Variants in PPFIA2 observed in about 807,000 individuals in gnomAD.
PPFIA2 encodes liprin-alpha-2.
In PPFIA2, 46 loss-of-function variants were observed where a neutral mutation model predicts 175.5. The ratio of observed to expected loss-of-function variants is 0.26; its 90% CI spans 0.21 to 0.34. The LOEUF (loss-of-function observed/expected upper bound fraction) is 0.34. Among genes scored for constraint, PPFIA2 ranks in the 10% least tolerant of loss-of-function variants. The probability of loss-of-function intolerance (pLI) is 1.00; values close to 1 mark genes in which losing one functional copy is unlikely to be tolerated. For synonymous variants in PPFIA2, 568 were observed against 511.4 expected (o/e 1.11, Z -1.49); for missense variants, 1,179 against 1,506.1 (o/e 0.78, Z 3.60).
At chr12:81,647,076 G>A (rs932546200) in intron 4 of PPFIA2, among the ~76,000 whole-genome samples, 1 of 149,440 alleles carries the variant, frequency 6.7e-6, no homozygotes, top group Non-Finnish European at 1.5e-5. Flanking sequence ...GGGGGGGGGA[G>A]CGTGTATAAA....
At chr12:81,555,503 T>A (rs2068694264) in intron 4 of PPFIA2, among the ~76,000 whole-genome samples, 2 of 152,156 alleles carry the variant, frequency 1.3e-5, no homozygotes, top group South Asian at 2.1e-4. Flanking sequence ...GCTTTATTAT[T>A]CTGCAATTCT....
chr12:81,437,397 T>A (rs906069959), intron 7 of PPFIA2, among the ~76,000 whole-genome samples: 4 of 125,222 alleles, frequency 3.2e-5, no homozygotes, highest in Non-Finnish European at 7.5e-5. Context: ...GCCCAGCTAA[T>A]TTTTTGTATT....
At chr12:81,388,510 G>T (rs1216736788) in intron 8 of PPFIA2, among the ~76,000 whole-genome samples, 1 of 152,006 alleles carries the variant, frequency 6.6e-6, no homozygotes, top group Non-Finnish European at 1.5e-5. Context: ...TGGGGGAGGT[G>T]GGGTTGACTT....
chr12:81,481,729 C>G (rs188288921), intron 4 of PPFIA2, among the ~76,000 whole-genome samples: 8 of 152,228 alleles, frequency 5.3e-5, no homozygotes, highest in African/African-American at 1.7e-4. Context: ...ACAACTCATA[C>G]AAAAATTAAC....
intron 7 of PPFIA2, among the ~76,000 whole-genome samples, chr12:81,410,106 C>G (rs1052128431): frequency 6.6e-6 from 1 of 152,044 alleles, no homozygotes; most frequent in Non-Finnish European, 1.5e-5. Flanking sequence ...GTTCAGGGTG[C>G]CATAATGGAA....
At chr12:81,397,636 A>T (rs2041375621) in intron 8 of PPFIA2, among the ~76,000 whole-genome samples, 2 of 151,778 alleles carry the variant, frequency 1.3e-5, no homozygotes, top group Non-Finnish European at 2.9e-5. Context: ...CCAAAAGATA[A>T]TTTTTTTTAA....
chr12:81,692,109 GACACAC>G (rs71098161), intron 3 of PPFIA2, among the ~76,000 whole-genome samples: 2 of 149,296 alleles, frequency 1.3e-5, no homozygotes, highest in Non-Finnish European at 3.0e-5. Context: ...CACAAACACA[GACACAC>G]ACACACACAC....
At chr12:81,598,068 T>C (rs1277802013) in intron 4 of PPFIA2, 14 of 1,534,236 alleles carry the variant, frequency 9.1e-6, no homozygotes, top group Non-Finnish European at 1.2e-5. Context: ...CACAAGGAGC[T>C]ACAGATGCAG....
intron 4 of PPFIA2, among the ~76,000 whole-genome samples, chr12:81,550,570 T>A (rs556992126): frequency 6.6e-6 from 1 of 151,960 alleles, no homozygotes; most frequent in East Asian, 1.9e-4. Flanking sequence ...GGGAGTTTGG[T>A]TTCAAGGAAC....
chr12:81,454,369 C>T (rs2053210457), intron 5 of PPFIA2, among the ~76,000 whole-genome samples: 1 of 152,050 alleles, frequency 6.6e-6, no homozygotes, highest in Non-Finnish European at 1.5e-5. Context: ...AAGTAGTGGA[C>T]TCTCTGGGTG....
At chr12:81,438,046 T>C (rs1456763219) in intron 7 of PPFIA2, among the ~76,000 whole-genome samples, 45 of 152,164 alleles carry the variant, frequency 3.0e-4, no homozygotes, top group Admixed American at 2.9e-3. Context: ...TTAACACTAC[T>C]AGCCTTTAAT....
At chr12:81,369,902 A>G (rs1320293812) in intron 11 of PPFIA2, among the ~76,000 whole-genome samples, 1 of 151,802 alleles carries the variant, frequency 6.6e-6, no homozygotes, top group Non-Finnish European at 1.5e-5. Context: ...GGTTTTAAAT[A>G]AAAAACAATA....
At chr12:81,583,878 A>T (rs2074792539) in intron 4 of PPFIA2, among the ~76,000 whole-genome samples, 1 of 151,944 alleles carries the variant, frequency 6.6e-6, no homozygotes, top group Non-Finnish European at 1.5e-5. Flanking sequence ...GGCCAGCCAT[A>T]AACCATGGCT....
intron 22 of PPFIA2, among the ~76,000 whole-genome samples, chr12:81,303,969 G>C (rs2138576988): frequency 6.6e-6 from 1 of 152,276 alleles, no homozygotes; most frequent in African/African-American, 2.4e-5. Context: ...TTTCTCCTTA[G>C]CGATTGTTGT....
At chr12:81,586,191 CAT>C (rs2075284678) in intron 4 of PPFIA2, among the ~76,000 whole-genome samples, 1 of 151,922 alleles carries the variant, frequency 6.6e-6, no homozygotes, top group Non-Finnish European at 1.5e-5. Flanking sequence ...TTCTATGAAT[CAT>C]GTGTCTTTTC....
intron 7 of PPFIA2, among the ~76,000 whole-genome samples, chr12:81,433,808 A>G (rs1320962011): frequency 6.6e-6 from 1 of 152,200 alleles, no homozygotes; most frequent in Non-Finnish European, 1.5e-5. Flanking sequence ...GATGAAGTCT[A>G]TTTCTCAGTA....
intron 3 of PPFIA2, among the ~76,000 whole-genome samples, chr12:81,687,207 G>A (rs892413371): frequency 5.9e-5 from 9 of 152,000 alleles, no homozygotes; most frequent in Non-Finnish European, 1.0e-4. Context: ...TCCCAGGAAG[G>A]AAAGATAATC....
At chr12:81,321,763 T>A (rs920383234) in intron 22 of PPFIA2, among the ~76,000 whole-genome samples, 7 of 152,212 alleles carry the variant, frequency 4.6e-5, no homozygotes, top group African/African-American at 1.7e-4. Flanking sequence ...CTATTTATTG[T>A]GCCCTAAAAT....
At chr12:81,573,899 T>C (rs1682143460) in intron 4 of PPFIA2, among the ~76,000 whole-genome samples, 2 of 151,924 alleles carry the variant, frequency 1.3e-5, no homozygotes, top group African/African-American at 2.4e-5. Flanking sequence ...CCTAATATCA[T>C]AATTGAAAGA....
Sources: allele counts gnomAD v4.1 joint callset (sites outside exome capture counted in the v4.1 genomes callset), GRCh38; gene constraint gnomAD v4.1.1; transcripts MANE v1.5; gene names NCBI Gene and HGNC (gene_info 2026-07-23, HGNC 2026-07-21).